CSMD1: variants seen among roughly 807,000 people sequenced by gnomAD.
CSMD1 encodes the protein CUB and Sushi multiple domains 1.
Under a neutral mutation model 417.5 loss-of-function variants are expected in CSMD1, and 213 were observed. The observed-to-expected ratio is 0.51, with a 90% confidence interval of 0.46 to 0.57. The LOEUF is 0.57. Among genes scored for constraint, CSMD1 ranks in the 20% least tolerant of loss-of-function variants. The pLI is 0.00. For synonymous variants in CSMD1, 2,862 were observed against 1,736.8 expected (o/e 1.65, Z -16.11); for missense variants, 6,923 against 4,529.7 (o/e 1.53, Z -15.17).
At chr8:3,097,644 T>C (rs564911785) in intron 46 of CSMD1, among the ~76,000 whole-genome samples, 1 of 152,328 alleles carries the variant, frequency 6.6e-6, no homozygotes, top group Non-Finnish European at 1.5e-5. Context: ...CATCAGGCTA[T>C]TCAGAACAGT....
At chr8:3,759,105 A>G (rs1797842098) in intron 5 of CSMD1, among the ~76,000 whole-genome samples, 1 of 152,230 alleles carries the variant, frequency 6.6e-6, no homozygotes, top group South Asian at 2.1e-4. Context: ...TAATCTATTT[A>G]CTGAACATAA....
Position 3,343,415 on chromosome 8 carries a change from C to A in CSMD1, c.3510G>T (p.Leu1170=), listed in dbSNP as rs1178000557. ...YDGKDSSSRP[L]GTFTKNELLG... The stretch of plus-strand genomic sequence containing the variant: ...GAAGTTCATTTTTAGTGAACGTGCC[C>A]AGTGGACGTGAGGAACTGTCTTTTC... Residue 1170 remains leucine, a synonymous_variant, in exon 23 of 70, where the codon CTG becomes CTT. Transcript: ENST00000635120. 2 of 1,613,758 alleles carry A rather than the reference C, an allele frequency of 1.2e-6. No individual in the cohort carries two copies. Among genetic ancestry groups the A allele is most frequent in the South Asian group, 2.2e-5 (2 of 91,088 alleles).
intron 1 of CSMD1, among the ~76,000 whole-genome samples, chr8:4,979,822 G>A (rs1810775169): frequency 6.6e-6 from 1 of 152,122 alleles, no homozygotes; most frequent in African/African-American, 2.4e-5. Context: ...TGGATCACTA[G>A]GTCAGCAGAT....
chr8:3,049,213 T>C (rs1355693446), intron 50 of CSMD1, among the ~76,000 whole-genome samples: 1 of 152,146 alleles, frequency 6.6e-6, no homozygotes, highest in Non-Finnish European at 1.5e-5. Flanking sequence ...CCATTCACTC[T>C]ATCAATCTCA....
At chr8:3,174,299 G>C (rs1820773030) in intron 37 of CSMD1, among the ~76,000 whole-genome samples, 1 of 152,166 alleles carries the variant, frequency 6.6e-6, no homozygotes, top group Non-Finnish European at 1.5e-5. Flanking sequence ...TTGGAGACTA[G>C]CCTGGGCAAC....
At chr8:4,150,793 G>C (rs1796528659) in intron 3 of CSMD1, among the ~76,000 whole-genome samples, 1 of 152,280 alleles carries the variant, frequency 6.6e-6, no homozygotes, top group East Asian at 1.9e-4. Flanking sequence ...TGTGTAGTTT[G>C]CGCACTTGCA....
Position 4,994,543 on chromosome 8 carries a change from C to G in CSMD1, c.-127G>C. On this transcript the variant is annotated 5_prime_UTR_variant, in exon 1 of 70. Transcript: ENST00000635120. Reference sequence around the variant, plus strand: ...GAGAGAGCCCGGTCCCAAGACCCGCCGCGCATCCGACGCCTCCTGAAGGTC... The same window carrying G: ...GAGAGAGCCCGGTCCCAAGACCCGCGGCGCATCCGACGCCTCCTGAAGGTC... The G allele has an allele frequency of 1.2e-6, 1 of 829,306 alleles. No homozygotes were observed. Among genetic ancestry groups the G allele is most frequent in the Non-Finnish European group, 1.9e-6 (1 of 521,084 alleles). 51.4% of individuals were successfully genotyped at this position (829,306 alleles called of 1,614,324 possible).
chr8:3,078,143 T>C (rs1813822937), intron 49 of CSMD1, among the ~76,000 whole-genome samples: 1 of 152,254 alleles, frequency 6.6e-6, no homozygotes, highest in Non-Finnish European at 1.5e-5. Context: ...CTCTTATGCA[T>C]AGGACCCTTG....
chr8:3,368,283 G>A (rs1055104764), intron 19 of CSMD1, among the ~76,000 whole-genome samples: 1 of 152,112 alleles, frequency 6.6e-6, no homozygotes, highest in African/African-American at 2.4e-5. Flanking sequence ...TCAAATCTAT[G>A]TGAAAAGACG....
rs1471228132 is a variant in CSMD1, at chr8:3,167,372, T to A, written c.5726-5095A>T. Among the ~76,000 whole-genome samples the A allele has an allele frequency of 4.6e-5, 7 of 152,230 alleles. No homozygotes were observed. The Middle Eastern group carries it at 0.01, about 225-fold the overall frequency. On this transcript the variant is annotated intron_variant, in intron 37 of 69. Transcript: ENST00000635120. ...ATGGCAAAAACCACAATTATTTTTG[T>A]GCCAACCTAATACATGACTCTGAAT...
intron 5 of CSMD1, among the ~76,000 whole-genome samples, chr8:3,893,633 C>G (rs62480071): frequency 0.052 from 7,862 of 151,988 alleles, 279 homozygotes; most frequent in South Asian, 0.13. Context: ...TGCATGGTGT[C>G]TTGCTCTCAG....
rs189311238 is a variant in CSMD1, at chr8:4,799,769, C to T, written c.86-162211G>A. 1.6e-4 allele frequency among the ~76,000 whole-genome samples: 24 copies of T among 151,518 alleles called. No homozygotes were observed. The East Asian group carries it at 4.7e-3, about 29-fold the overall frequency. On this transcript the variant is annotated intron_variant, in intron 1 of 69. Coordinates refer to ENST00000635120, the MANE Select transcript of CSMD1 (RefSeq NM_033225.6). ...CTTTACATTTGACCTGGAAATTTTA[C>T]GTATAGGAATGTCTCTTTAAAAAAA...
chr8:4,107,736 G>C (rs1264752822), intron 3 of CSMD1, among the ~76,000 whole-genome samples: 1 of 152,144 alleles, frequency 6.6e-6, no homozygotes, highest in African/African-American at 2.4e-5. Flanking sequence ...TGATTAAAGG[G>C]AGGGACGCTG....
rs139496044 is a variant in CSMD1, at chr8:4,771,424, C to G, written c.86-133866G>C. Reference sequence around the variant, plus strand: ...AAGCTTGCATTCCATTTTAAAATATCAAATCCAAATCAAAACATTACTTTA... The same window carrying G: ...AAGCTTGCATTCCATTTTAAAATATGAAATCCAAATCAAAACATTACTTTA... On this transcript the variant is annotated intron_variant, in intron 1 of 69. Transcript: ENST00000635120. 9.8e-5 allele frequency among the ~76,000 whole-genome samples: 15 copies of G among 152,334 alleles called. No individual in the cohort carries two copies. In the East Asian group the frequency reaches 2.7e-3, roughly 27 times the overall value.
intron 10 of CSMD1, among the ~76,000 whole-genome samples, chr8:3,563,187 G>C (rs1036419883): frequency 1.3e-5 from 2 of 152,042 alleles, no homozygotes; most frequent in East Asian, 1.9e-4. Context: ...GTTTTATTTA[G>C]TTGGGTTTTT....
chr8:3,003,881 A>T (rs973701141), intron 52 of CSMD1, among the ~76,000 whole-genome samples: 1 of 152,182 alleles, frequency 6.6e-6, no homozygotes, highest in East Asian at 1.9e-4. Flanking sequence ...TATATTTTTA[A>T]AGCATCTGTT....
At chr8:4,248,825 T>C (rs1401856111) in intron 3 of CSMD1, among the ~76,000 whole-genome samples, 1 of 152,114 alleles carries the variant, frequency 6.6e-6, no homozygotes, top group Non-Finnish European at 1.5e-5. Context: ...TGGTGACTGA[T>C]GTATCCCAAT....
At chr8:4,530,889 C>T (rs1324079271) in intron 2 of CSMD1, among the ~76,000 whole-genome samples, 1 of 151,840 alleles carries the variant, frequency 6.6e-6, no homozygotes, top group Non-Finnish European at 1.5e-5. Context: ...CTCATTCATC[C>T]CATTATACCG....
At chr8:3,945,073 T>G (rs1811129973) in intron 5 of CSMD1, among the ~76,000 whole-genome samples, 1 of 151,920 alleles carries the variant, frequency 6.6e-6, no homozygotes, top group South Asian at 2.1e-4. Context: ...TTATAAATGT[T>G]TAAGACAATG....
Sources: gnomAD v4.1 joint callset for allele counts (sites outside exome capture counted in the v4.1 genomes callset) on GRCh38, gnomAD v4.1.1 for gene constraint, MANE v1.5 for transcripts, NCBI Gene and HGNC (gene_info 2026-07-23, HGNC 2026-07-21) for gene names.